The following G3BP1 variants were observed in gnomAD, a reference collection of about 807,000 sequenced individuals.
The protein encoded by G3BP1 is ras GTPase-activating protein-binding protein 1.
G3BP1 carries 35 observed loss-of-function variants against 58.6 expected under a neutral mutation model. The ratio of observed to expected loss-of-function variants is 0.60; its 90% CI spans 0.46 to 0.79. G3BP1 has a LOEUF of 0.79. Ranked by LOEUF, G3BP1 falls within the 30% of genes least tolerant of loss-of-function variation. G3BP1 has a pLI of 0.00. For missense variants in G3BP1, 523 were observed against 580.8 expected, an observed-to-expected ratio of 0.90 and a Z score of 1.02; for synonymous variants, 191 against 195.4, an observed-to-expected ratio of 0.98 and a Z score of 0.19.
At chr5:151,786,346 C>T (rs773070012) in intron 1 of G3BP1, among the ~76,000 whole-genome samples, 1 of 152,144 alleles carries the variant, frequency 6.6e-6, no homozygotes, top group South Asian at 2.1e-4. Context: ...CTTTGAGGTT[C>T]TTACGTCTTG....
Position 151,799,979 on chromosome 5 carries a change from C to T in G3BP1, c.934C>T (p.Pro312Ser), listed in dbSNP as rs543644282. Residue 312 changes from proline to serine, a missense_variant, in exon 9 of 12, where the codon CCC (proline) becomes TCC (serine). Physicochemically the swap from Pro to Ser is moderately conservative, Grantham distance 74 (BLOSUM62 -1). This residue lies in a region of G3BP1 where 398 missense variants were observed against 399.1 expected (regional missense o/e 1.00). Transcript: ENST00000356245. Reference protein sequence around the residue: ...RVREQRINIPPQRGPRPIREA... With the variant: ...RVREQRINIPSQRGPRPIREA... ...GCGAGAACAACGAATAAATATTCCTCCCCAAAGGGGACCCAGACCAAGTAA... is the reference window on the plus strand; with the variant it reads ...GCGAGAACAACGAATAAATATTCCTTCCCAAAGGGGACCCAGACCAAGTAA... 4 of 1,607,564 alleles carry T rather than the reference C, an allele frequency of 2.5e-6. No homozygotes were observed. The highest frequency in any genetic ancestry group is 2.2e-5 in the East Asian group (1 of 44,826).
chr5:151,801,340 C>A (rs1463580090), intron 11 of G3BP1, among the ~76,000 whole-genome samples: 1 of 152,118 alleles, frequency 6.6e-6, no homozygotes, highest in African/African-American at 2.4e-5. Context: ...TTGGAACCAT[C>A]CTTACTAACA....
Position 151,810,406 on chromosome 5 carries a change from C to T in G3BP1, c.*6315C>T, listed in dbSNP as rs147947820. On this transcript the variant is annotated 3_prime_UTR_variant, in exon 12 of 12. Coordinates refer to ENST00000356245, the MANE Select transcript of G3BP1 (RefSeq NM_005754.3). ...TTTCAACAGGAATGGGGAGTAGCCC[C>T]GTTTTGGGGCTGATCTGTCCAGAAT... 3.3e-5 allele frequency: 5 copies of T among 152,314 alleles called. No homozygotes were observed. Among genetic ancestry groups the T allele is most frequent in the Non-Finnish European group, 5.9e-5 (4 of 68,024 alleles). The allele number at this position is 152,314 out of a possible 1,614,324, so 9.4% of individuals were successfully genotyped here.
chr5:151,772,346 G>A (rs1374889852), intron 1 of G3BP1: 2 of 152,034 alleles, frequency 1.3e-5, no homozygotes, highest in East Asian at 3.9e-4. Context: ...CTGGGGCCAG[G>A]GGTCCCGCGC....
At chr5:151,777,224 C>G (rs1038359779) in intron 1 of G3BP1, among the ~76,000 whole-genome samples, 3 of 152,080 alleles carry the variant, frequency 2.0e-5, no homozygotes, top group African/African-American at 7.2e-5. Context: ...TTCTAAATTC[C>G]CACGATTTAG....
At chr5:151,778,661 C>T (rs188790453) in intron 1 of G3BP1, among the ~76,000 whole-genome samples, 203 of 152,070 alleles carry the variant, frequency 1.3e-3, no homozygotes, top group Middle Eastern at 0.01. Context: ...AAGCTAGTCT[C>T]GAACTACTGA....
At chr5:151,800,407 C>A (rs1360121221) in intron 10 of G3BP1, 61 bp downstream of exon 10, 9 of 1,249,772 alleles carry the variant, frequency 7.2e-6, no homozygotes, top group South Asian at 1.5e-5. Context: ...TGTCCAGTAG[C>A]AATAGAAAAT....
intron 1 of G3BP1, among the ~76,000 whole-genome samples, chr5:151,779,860 G>A (rs1309523103): frequency 6.6e-6 from 1 of 152,218 alleles, no homozygotes; most frequent in Non-Finnish European, 1.5e-5. Flanking sequence ...TGATGGACAT[G>A]TAGATTGTTA....
intron 11 of G3BP1, among the ~76,000 whole-genome samples, chr5:151,801,824 T>TA (rs951822295): frequency 6.6e-6 from 1 of 152,014 alleles, no homozygotes; most frequent in African/African-American, 2.4e-5. Flanking sequence ...TTTTTATTTT[T>TA]TTTTTTTTGA....
intron 2 of G3BP1, among the ~76,000 whole-genome samples, chr5:151,789,915 C>G (rs950305662): frequency 1.3e-5 from 2 of 152,060 alleles, no homozygotes; most frequent in African/African-American, 4.8e-5. Flanking sequence ...TGACTCACAC[C>G]TACAATTCCA....
intron 1 of G3BP1, among the ~76,000 whole-genome samples, chr5:151,773,294 G>A (rs1762309644): frequency 6.6e-6 from 1 of 151,328 alleles, no homozygotes; most frequent in Admixed American, 6.6e-5. Context: ...TTAAAATACG[G>A]AATTGGAATA....
rs749405248 is a variant in G3BP1, at chr5:151,800,276, C to T, written c.1014C>T (p.Asp338=). The T allele has an allele frequency of 6.2e-7, 1 of 1,611,206 alleles. No individual in the cohort carries two copies. Among genetic ancestry groups the T allele is most frequent in the East Asian group, 2.2e-5 (1 of 44,866 alleles). ...CCCGAAGAATGGTGAGACACCCTGACAGTCACCAACTCTTCATTGGCAACC... is the reference window on the plus strand; with the variant it reads ...CCCGAAGAATGGTGAGACACCCTGATAGTCACCAACTCTTCATTGGCAACC... ...IEPRRMVRHP[D]SHQLFIGNLP... The change falls in exon 10 of 12, where the codon GAC becomes GAT. Residue 338 remains aspartate, a synonymous_variant. Coordinates refer to ENST00000356245, the MANE Select transcript of G3BP1 (RefSeq NM_005754.3).
At chr5:151,799,778 G>T (rs1762818636) in intron 8 of G3BP1, 111 bp from the exon 9 acceptor site, 1 of 652,470 alleles carries the variant, frequency 1.5e-6, no homozygotes, top group Non-Finnish European at 2.7e-6. Context: ...GATTTTTCTT[G>T]TGAGGGAATT....
At chr5:151,790,255 G>T in intron 2 of G3BP1, 68 bp from the exon 3 acceptor site, 5 of 773,320 alleles carry the variant, frequency 6.5e-6, no homozygotes, top group African/African-American at 1.9e-5. Flanking sequence ...AAGTTTGCCA[G>T]TATCAGACGT....
chr5:151,779,596 G>C (rs952767280), intron 1 of G3BP1, among the ~76,000 whole-genome samples: 1 of 152,150 alleles, frequency 6.6e-6, no homozygotes, highest in Non-Finnish European at 1.5e-5. Flanking sequence ...TATATGTAAC[G>C]TTATCACACA....
chr5:151,791,646 A>G (rs532410947), intron 4 of G3BP1: 126 of 157,142 alleles, frequency 8.0e-4, no homozygotes, highest in Non-Finnish European at 1.0e-3. Flanking sequence ...GTAAAGTTAA[A>G]TATCTTTTCT....
chr5:151,796,303 C>T (rs146567282), intron 6 of G3BP1, among the ~76,000 whole-genome samples: 1,982 of 152,306 alleles, frequency 0.013, 40 homozygotes, highest in African/African-American at 0.045. Context: ...GAGTCTTGCT[C>T]TGTTACCCAG....
In G3BP1 at chr5:151,811,199, TAG is replaced by T. The variant is rs1763014256; in HGVS notation, c.*7110_*7111del. ...CTCCAGCCTACTTTATACACAATGT[TAG>T]ATTCATCTTACTGAAACATAGTTCT... On this transcript the variant is annotated 3_prime_UTR_variant, in exon 12 of 12. Coordinates refer to ENST00000356245, the MANE Select transcript of G3BP1 (RefSeq NM_005754.3). 1.3e-5 allele frequency: 2 copies of T among 152,236 alleles called. No individual in the cohort carries two copies. Among genetic ancestry groups the T allele is most frequent in the African/African-American group, 4.8e-5 (2 of 41,452 alleles). The allele number at this position is 152,236 out of a possible 1,614,324, so 9.4% of individuals were successfully genotyped here.
chr5:151,792,503 G>GT (rs923956759), intron 4 of G3BP1, among the ~76,000 whole-genome samples: 1 of 152,142 alleles, frequency 6.6e-6, no homozygotes, highest in Non-Finnish European at 1.5e-5. Flanking sequence ...TTTAATTACA[G>GT]TTTTTTTCTT....
Sources: gnomAD v4.1 joint callset for allele counts (sites outside exome capture counted in the v4.1 genomes callset) on GRCh38, gnomAD v4.1.1 for gene constraint, gnomAD v4.1.1 regional missense constraint, MANE v1.5 for transcripts, NCBI Gene and HGNC (gene_info 2026-07-23, HGNC 2026-07-21) for gene names.